Variants in PTPRG observed in about 807,000 individuals in gnomAD.
PTPRG encodes the protein protein tyrosine phosphatase receptor type G.
PTPRG carries 102 observed loss-of-function variants against 165.3 expected under a neutral mutation model. That is an observed-to-expected ratio of 0.62 (90% CI 0.53 to 0.73). The LOEUF (loss-of-function observed/expected upper bound fraction) is 0.73. Ranked by LOEUF, PTPRG falls within the 30% of genes least tolerant of loss-of-function variation. The probability of loss-of-function intolerance (pLI) is 0.00; values close to 1 mark genes in which losing one functional copy is unlikely to be tolerated. For missense variants in PTPRG, 1,866 were observed against 1,861.4 expected (o/e 1.00, Z -0.05); for synonymous variants, 675 against 669.5 (o/e 1.01, Z -0.13).
At chr3:61,981,610 T>A (rs1309468345) in intron 2 of PTPRG, among the ~76,000 whole-genome samples, 1 of 152,190 alleles carries the variant, frequency 6.6e-6, no homozygotes, top group African/African-American at 2.4e-5. Flanking sequence ...ATTAAACCCT[T>A]ATCACATCCT....
intron 2 of PTPRG, among the ~76,000 whole-genome samples, chr3:61,884,724 T>C (rs1430894668): frequency 6.6e-6 from 1 of 152,206 alleles, no homozygotes; most frequent in African/African-American, 2.4e-5. Context: ...GTTGAAATTC[T>C]CTTTAAGGGC....
At chr3:62,013,773 T>C (rs1033761548) in intron 4 of PTPRG, among the ~76,000 whole-genome samples, 1 of 152,122 alleles carries the variant, frequency 6.6e-6, no homozygotes, top group Non-Finnish European at 1.5e-5. Context: ...ACTTAGATGC[T>C]GTACAGGTTT....
At chr3:61,845,610 C>G (rs1455309905) in intron 2 of PTPRG, among the ~76,000 whole-genome samples, 1 of 152,176 alleles carries the variant, frequency 6.6e-6, no homozygotes, top group Non-Finnish European at 1.5e-5. Context: ...AAGGAGTATT[C>G]TCTCTGTAAA....
intron 5 of PTPRG, among the ~76,000 whole-genome samples, chr3:62,115,454 G>A (rs148183632): frequency 6.6e-6 from 1 of 152,280 alleles, no homozygotes; most frequent in East Asian, 1.9e-4. Context: ...TCGATGAAAA[G>A]TGATTGGTAA....
At chr3:61,769,100 G>A (rs2034126945) in intron 2 of PTPRG, among the ~76,000 whole-genome samples, 1 of 152,146 alleles carries the variant, frequency 6.6e-6, no homozygotes, top group African/African-American at 2.4e-5. Flanking sequence ...ATGACAATAT[G>A]TATTTAAGTC....
At chr3:61,739,879 T>A (rs1323878090) in intron 1 of PTPRG, among the ~76,000 whole-genome samples, 1 of 152,196 alleles carries the variant, frequency 6.6e-6, no homozygotes, top group Non-Finnish European at 1.5e-5. Flanking sequence ...GCTATTCACA[T>A]AGCATATTGT....
intron 1 of PTPRG, among the ~76,000 whole-genome samples, chr3:61,580,266 A>C (rs1700257203): frequency 6.6e-6 from 1 of 152,044 alleles, no homozygotes. Flanking sequence ...ACATGGCGAG[A>C]CCCTATCTCA....
At chr3:62,062,735 A>G (rs1318478618) in intron 4 of PTPRG, among the ~76,000 whole-genome samples, 1 of 152,020 alleles carries the variant, frequency 6.6e-6, no homozygotes, top group Non-Finnish European at 1.5e-5. Context: ...ATCATGGCTC[A>G]CTGCAGCCTG....
At chr3:61,830,734 C>T (rs1211821414) in intron 2 of PTPRG, among the ~76,000 whole-genome samples, 1 of 152,004 alleles carries the variant, frequency 6.6e-6, no homozygotes, top group Non-Finnish European at 1.5e-5. Context: ...GCCACCACAC[C>T]TGGCTAATTT....
chr3:61,989,670 G>C lies in PTPRG; in HGVS notation c.236G>C (p.Gly79Ala), dbSNP rs2040837556. Residue 79 changes from glycine (G) to alanine (A), a missense_variant, in exon 3 of 30, where the codon GGG becomes GCG. Gly to Ala is a moderately conservative substitution (Grantham distance 60, BLOSUM62 0). This residue lies in a region of PTPRG where 408 missense variants were observed against 376.2 expected (regional missense o/e 1.08). Coordinates refer to ENST00000474889, the MANE Select transcript of PTPRG (RefSeq NM_002841.4). Reference protein sequence around the residue: ...EHWVTSSVSCGGRHQSPIDIL... With the variant: ...EHWVTSSVSCAGRHQSPIDIL... ...TGGGTCACGTCTAGTGTCAGCTGTG[G>C]GGGCCGTCACCAGTCTCCTATTGAC... 1 of 1,613,994 alleles carries C rather than the reference G, an allele frequency of 6.2e-7. No individual in the cohort carries two copies. Among genetic ancestry groups the C allele is most frequent in the African/African-American group, 1.3e-5 (1 of 74,912 alleles).
chr3:62,268,401 C>G (rs952573957), intron 19 of PTPRG, among the ~76,000 whole-genome samples: 3 of 152,088 alleles, frequency 2.0e-5, no homozygotes, highest in Non-Finnish European at 4.4e-5. Context: ...AATCACCACA[C>G]TGGGTTGATA....
chr3:62,221,247 T>G (rs1700644447), intron 13 of PTPRG, among the ~76,000 whole-genome samples: 1 of 152,236 alleles, frequency 6.6e-6, no homozygotes, highest in East Asian at 1.9e-4. Flanking sequence ...CATGTATGCA[T>G]ATATTTCATC....
intron 1 of PTPRG, among the ~76,000 whole-genome samples, chr3:61,563,134 GGGGCGGGGGCGGTTT>G (rs1699807983): frequency 6.6e-6 from 1 of 151,652 alleles, no homozygotes; most frequent in South Asian, 2.1e-4. Flanking sequence ...ACGCGGGGAG[GGGGCGGGGGCGGTTT>G]CGGCGGCCGG....
At chr3:61,708,443 CTTTTTTTTTTTTTTTTTT>C (rs61136954) in intron 1 of PTPRG, among the ~76,000 whole-genome samples, 3 of 75,908 alleles carry the variant, frequency 4.0e-5, no homozygotes, top group African/African-American at 1.7e-4. Context: ...CTCTGCAAAT[CTTTTTTTTTTTTTTTTTT>C]TTTTTTTTTT....
At chr3:61,631,653 A>C (rs971052805) in intron 1 of PTPRG, among the ~76,000 whole-genome samples, 1 of 152,194 alleles carries the variant, frequency 6.6e-6, no homozygotes, top group African/African-American at 2.4e-5. Context: ...TGTTATATAA[A>C]AATCCATGTT....
intron 5 of PTPRG, among the ~76,000 whole-genome samples, chr3:62,129,630 C>G (rs1703442083): frequency 6.6e-6 from 1 of 152,180 alleles, no homozygotes; most frequent in Non-Finnish European, 1.5e-5. Flanking sequence ...TGATGATAAT[C>G]TATTCATGAG....
At chr3:62,071,064 G>A (rs76470878) in intron 4 of PTPRG, among the ~76,000 whole-genome samples, 9,174 of 151,706 alleles carry the variant, frequency 0.06, 404 homozygotes, top group Non-Finnish European at 0.092. Context: ...TCCTGTTTAC[G>A]TCTCATCTCC....
intron 4 of PTPRG, among the ~76,000 whole-genome samples, chr3:62,033,899 C>G (rs571054273): frequency 7.5e-4 from 114 of 152,230 alleles, no homozygotes; most frequent in African/African-American, 2.6e-3. Context: ...TGGGACTGAG[C>G]TGGGACTACA....
chr3:62,082,676 T>A (rs1701621310), intron 5 of PTPRG, among the ~76,000 whole-genome samples: 1 of 152,148 alleles, frequency 6.6e-6, no homozygotes, highest in Admixed American at 6.5e-5. Context: ...GAATGGCAGC[T>A]GATATATTTT....
Sources: gnomAD v4.1 joint callset for allele counts (sites outside exome capture counted in the v4.1 genomes callset) on GRCh38, gnomAD v4.1.1 for gene constraint, gnomAD v4.1.1 regional missense constraint, MANE v1.5 for transcripts, NCBI Gene and HGNC (gene_info 2026-07-23, HGNC 2026-07-21) for gene names.